Variants in STMND1 observed in about 807,000 individuals in gnomAD.
The protein encoded by STMND1 is stathmin domain containing 1, also known as stathmin domain-containing protein 1.
A neutral mutation model predicts 23.0 loss-of-function variants in STMND1; 17 were observed. The ratio of observed to expected loss-of-function variants is 0.74; its 90% CI spans 0.51 to 1.11. The LOEUF is 1.11. STMND1 is among the 50% of genes least tolerant of loss of function. The probability of loss-of-function intolerance (pLI) is 0.00; values close to 1 mark genes in which losing one functional copy is unlikely to be tolerated. For missense variants in STMND1, 305 were observed against 329.1 expected (o/e 0.93, Z 0.57); for synonymous variants, 114 against 119.9 (o/e 0.95, Z 0.32).
chr6:17,120,493 GA>G, intron 2 of STMND1, 113 bp from the exon 3 acceptor site: 1 of 733,324 alleles, frequency 1.4e-6, no homozygotes, highest in Non-Finnish European at 2.1e-6. Context: ...ATTAAGTGTT[GA>G]AACTAAGATC....
intron 3 of STMND1, among the ~76,000 whole-genome samples, chr6:17,123,372 G>A (rs986663590): frequency 6.6e-6 from 1 of 151,924 alleles, no homozygotes; most frequent in African/African-American, 2.4e-5. Context: ...TTGTTTTTTT[G>A]GCTTTGGTAT....
intron 1 of STMND1, among the ~76,000 whole-genome samples, chr6:17,111,387 T>A (rs1261048266): frequency 1.3e-5 from 2 of 152,206 alleles, no homozygotes; most frequent in Admixed American, 6.6e-5. Flanking sequence ...TCTCATGGAA[T>A]GATTGGATGG....
intron 3 of STMND1, among the ~76,000 whole-genome samples, chr6:17,123,624 T>C (rs1162249268): frequency 2.0e-5 from 3 of 152,196 alleles, no homozygotes; most frequent in East Asian, 1.9e-4. Flanking sequence ...GGTTGAGAAC[T>C]ACTGCCGTGA....
intron 1 of STMND1, among the ~76,000 whole-genome samples, 171 bp from the exon 2 acceptor site, chr6:17,114,791 C>T (rs149882926): frequency 6.6e-6 from 1 of 152,100 alleles, no homozygotes; most frequent in African/African-American, 2.4e-5. Flanking sequence ...AGGCCACGGA[C>T]CAGTACTGGT....
At chr6:17,113,634 C>CTTTTT (rs35898545) in intron 1 of STMND1, among the ~76,000 whole-genome samples, 1 of 135,570 alleles carries the variant, frequency 7.4e-6, no homozygotes. Flanking sequence ...GTCTGCATCA[C>CTTTTT]TTTTTTTTTT....
In STMND1 at chr6:17,104,105, C is replaced by A. The variant is rs199893803; in HGVS notation, c.81+1767C>A. Among the ~76,000 whole-genome samples, 6 of 152,286 alleles carry A rather than the reference C, an allele frequency of 3.9e-5. No homozygotes were observed. In the East Asian group the frequency reaches 9.7e-4, roughly 25 times the overall value. On this transcript the variant is annotated intron_variant, in intron 1 of 4. Coordinates refer to ENST00000536551, the MANE Select transcript of STMND1 (RefSeq NM_001190766.2). ...ACCAAATGACTCTCAGGGCTCAGTT[C>A]TTCCAGGCATCTCACACCTCCATGC...
At chr6:17,103,473 G>T (rs1760970654) in intron 1 of STMND1, among the ~76,000 whole-genome samples, 1 of 152,090 alleles carries the variant, frequency 6.6e-6, no homozygotes, top group Non-Finnish European at 1.5e-5. Context: ...TGGTGCCCTG[G>T]GGGAAGCCTG....
In STMND1 at chr6:17,113,185, G is replaced by A. The variant is rs531859811; in HGVS notation, c.82-1777G>A. 7.9e-5 allele frequency among the ~76,000 whole-genome samples: 12 copies of A among 152,252 alleles called. No individual in the cohort carries two copies. The South Asian group carries it at 2.1e-3, about 26-fold the overall frequency. Reference sequence around the variant, plus strand: ...CTACTGTGTTTCTCTATCAATCAACGTTCTACCAGAGGGAAAGAACCAGTA... The same window carrying A: ...CTACTGTGTTTCTCTATCAATCAACATTCTACCAGAGGGAAAGAACCAGTA... On this transcript the variant is annotated intron_variant, in intron 1 of 4. Transcript: ENST00000536551.
intron 3 of STMND1, among the ~76,000 whole-genome samples, chr6:17,126,110 G>C: frequency 8.7e-6 from 1 of 114,548 alleles, no homozygotes; most frequent in Non-Finnish European, 1.7e-5. Flanking sequence ...AAGAGACAGG[G>C]TCTGACTACA....
chr6:17,105,058 C>T (rs1581364711), intron 1 of STMND1, among the ~76,000 whole-genome samples: 2 of 152,238 alleles, frequency 1.3e-5, no homozygotes, highest in African/African-American at 2.4e-5. Flanking sequence ...ATTTACATAG[C>T]ATTAACATTG....
At chr6:17,123,636 G>A (rs988815875) in intron 3 of STMND1, among the ~76,000 whole-genome samples, 24 of 152,030 alleles carry the variant, frequency 1.6e-4, no homozygotes, top group Non-Finnish European at 7.4e-5. Flanking sequence ...CTGCCGTGAA[G>A]TTTCACCAAA....
At chr6:17,127,962 C>CAT (rs1554149104) in intron 3 of STMND1, 1 of 151,512 alleles carries the variant, frequency 6.6e-6, no homozygotes, top group Non-Finnish European at 1.5e-5. Flanking sequence ...ATATCCTTAA[C>CAT]ATATATATGT....
At chr6:17,123,767 T>C (rs1221479803) in intron 3 of STMND1, among the ~76,000 whole-genome samples, 1 of 152,164 alleles carries the variant, frequency 6.6e-6, no homozygotes, top group Non-Finnish European at 1.5e-5. Context: ...AAATATACCA[T>C]TTCAGGAATA....
In STMND1 at chr6:17,129,120, G is replaced by A. The variant is rs529867115; in HGVS notation, c.420G>A (p.Thr140=). The A allele has an allele frequency of 1.2e-5, 18 of 1,535,484 alleles. No individual in the cohort carries two copies. Among genetic ancestry groups the A allele is most frequent in the Non-Finnish European group, 1.4e-5 (16 of 1,146,654 alleles). Residue 140 remains threonine (T), a synonymous_variant, in exon 4 of 5, where the codon ACG becomes ACA. Transcript: ENST00000536551. ...NGESYDVTLT[T]TEKPLRKPPS... is the part of the protein sequence containing the mutation. ...AAGATGTTTTATTCCAGTTGACTACGACTGAGAAGCCATTGAGAAAGCCAC... is the reference window on the plus strand; with the variant it reads ...AAGATGTTTTATTCCAGTTGACTACAACTGAGAAGCCATTGAGAAAGCCAC...
chr6:17,128,474 T>C (rs1452265946), intron 3 of STMND1: 1 of 152,216 alleles, frequency 6.6e-6, no homozygotes, highest in Non-Finnish European at 1.5e-5. Flanking sequence ...AACTACAAAT[T>C]CACCCCCATT....
chr6:17,125,572 A>G (rs1029706314), intron 3 of STMND1, among the ~76,000 whole-genome samples: 2 of 152,204 alleles, frequency 1.3e-5, no homozygotes, highest in African/African-American at 4.8e-5. Context: ...TTCACATTGC[A>G]TAAGAGTCTC....
intron 2 of STMND1, among the ~76,000 whole-genome samples, chr6:17,116,474 C>G (rs148328744): frequency 2.2e-3 from 341 of 152,052 alleles, no homozygotes; most frequent in African/African-American, 7.7e-3. Flanking sequence ...GAGTTTTGCT[C>G]TGTCACCCAG....
intron 1 of STMND1, among the ~76,000 whole-genome samples, chr6:17,107,392 A>AAATT (rs1761037915): frequency 6.7e-6 from 1 of 149,798 alleles, no homozygotes; most frequent in Non-Finnish European, 1.5e-5. Flanking sequence ...CACAACTTTT[A>AAATT]AATTCTACCT....
chr6:17,119,649 G>C (rs571398965), intron 2 of STMND1, among the ~76,000 whole-genome samples: 1 of 151,272 alleles, frequency 6.6e-6, no homozygotes, highest in South Asian at 2.1e-4. Context: ...GCAGTGAGAT[G>C]AGATCTCGCC....
Sources: allele counts gnomAD v4.1 joint callset (sites outside exome capture counted in the v4.1 genomes callset), GRCh38; gene constraint gnomAD v4.1.1; transcripts MANE v1.5; gene names NCBI Gene and HGNC (gene_info 2026-07-23, HGNC 2026-07-21).